The following FBXO4 variants were observed in gnomAD, a reference collection of about 807,000 sequenced individuals.
FBXO4 encodes F-box protein 4.
In FBXO4, 36 loss-of-function variants were observed where a neutral mutation model predicts 43.7. The observed-to-expected ratio is 0.82, with a 90% CI of 0.63 to 1.09. The LOEUF is 1.09. Among genes scored for constraint, FBXO4 ranks in the 50% least tolerant of loss-of-function variants. FBXO4 has a pLI of 0.00. For synonymous variants in FBXO4, 180 were observed against 165.6 expected, an observed-to-expected ratio of 1.09 and a Z score of -0.67; for missense variants, 435 against 474.1, an observed-to-expected ratio of 0.92 and a Z score of 0.77.
the FBXO4 span, among the ~76,000 whole-genome samples, chr5:41,999,505 GTGTA>G: frequency 0.017 from 1,061 of 63,162 alleles, 29 homozygotes; most frequent in African/African-American, 0.083. Context: ...ATATATATAT[GTGTA>G]TATATATATA....
the FBXO4 span, among the ~76,000 whole-genome samples, chr5:41,949,136 C>T: frequency 6.6e-6 from 1 of 152,116 alleles, no homozygotes. Flanking sequence ...TGGAAGCATT[C>T]CCTTTGAAAA....
At chr5:41,965,031 T>G in the FBXO4 span, among the ~76,000 whole-genome samples, 9 of 152,184 alleles carry the variant, frequency 5.9e-5, no homozygotes, top group African/African-American at 2.2e-4. Flanking sequence ...AACATTTAAG[T>G]TTTTTATCCA....
the FBXO4 span, among the ~76,000 whole-genome samples, chr5:42,032,135 A>AGGTG: frequency 6.6e-6 from 1 of 150,752 alleles, no homozygotes; most frequent in African/African-American, 2.4e-5. Flanking sequence ...GGAGTGACAC[A>AGGTG]ATCACCCCTG....
At chr5:42,029,481 C>T in the FBXO4 span, among the ~76,000 whole-genome samples, 1 of 151,906 alleles carries the variant, frequency 6.6e-6, no homozygotes, top group African/African-American at 2.4e-5. Flanking sequence ...ATGTTGCTAT[C>T]TTTCCCTAGG....
At chr5:42,015,097 G>C in the FBXO4 span, among the ~76,000 whole-genome samples, 1 of 152,140 alleles carries the variant, frequency 6.6e-6, no homozygotes, top group Non-Finnish European at 1.5e-5. Flanking sequence ...ATAAGCAGAG[G>C]GGGCATTATT....
the FBXO4 span, among the ~76,000 whole-genome samples, chr5:42,010,509 A>C: frequency 8.4e-6 from 1 of 118,546 alleles, no homozygotes; most frequent in Admixed American, 9.3e-5. Context: ...CTCCATCTCA[A>C]AAAAAAAAAA....
chr5:41,939,466 T>G lies in FBXO4; in HGVS notation c.924T>G (p.Ser308=), dbSNP rs1274485497. 1 of 1,611,340 alleles carries G rather than the reference T, an allele frequency of 6.2e-7. No homozygotes were observed. Among genetic ancestry groups the G allele is most frequent in the East Asian group, 2.2e-5 (1 of 44,844 alleles). The change falls in exon 6 of 7, where the codon TCT becomes TCG. Residue 308 remains serine, a synonymous_variant. Transcript: ENST00000281623. ...GACATGAATGGCAAGATGAATTTTC[T>G]CATATTATGGCAATGACAGATCCAG... ...HKRHEWQDEF[S]HIMAMTDPAF...
the FBXO4 span, among the ~76,000 whole-genome samples, chr5:41,957,231 A>G: frequency 2.0e-5 from 3 of 151,902 alleles, no homozygotes; most frequent in Non-Finnish European, 4.4e-5. Flanking sequence ...TGGGACTCCA[A>G]CTACACATAT....
the FBXO4 span, among the ~76,000 whole-genome samples, chr5:42,034,547 G>A: frequency 6.6e-6 from 1 of 152,116 alleles, no homozygotes; most frequent in South Asian, 2.1e-4. Flanking sequence ...TGTATAAGGT[G>A]TAAGGAAGGG....
At chr5:41,942,822 T>C (rs28647448), downstream of FBXO4, among the ~76,000 whole-genome samples, 12,128 of 152,206 alleles carry the variant, frequency 0.08, 693 homozygotes, top group African/African-American at 0.16. Flanking sequence ...TGATCCTTGA[T>C]GATTTTGACA....
chr5:41,983,189 G>A, the FBXO4 span, among the ~76,000 whole-genome samples: 1 of 152,136 alleles, frequency 6.6e-6, no homozygotes, highest in Non-Finnish European at 1.5e-5. Flanking sequence ...ACGTGTGCAT[G>A]TGTCTTTATA....
chr5:41,945,022 A>T (rs1421229283), downstream of FBXO4, among the ~76,000 whole-genome samples: 1 of 152,222 alleles, frequency 6.6e-6, no homozygotes, highest in Non-Finnish European at 1.5e-5. Flanking sequence ...AGAGCCTTAG[A>T]GCTATTAAAT....
chr5:41,934,410 T>C, intron 5 of FBXO4, 102 bp downstream of exon 5: 1 of 1,546,558 alleles, frequency 6.5e-7, no homozygotes, highest in Non-Finnish European at 8.7e-7. Context: ...TATGATGGCT[T>C]ATTTTATCAA....
At chr5:41,994,991 C>T in the FBXO4 span, among the ~76,000 whole-genome samples, 3 of 152,274 alleles carry the variant, frequency 2.0e-5, 1 homozygote, top group South Asian at 6.2e-4. Flanking sequence ...TCAGAGCATA[C>T]ATGGCCTCCT....
At chr5:41,949,188 A>C in the FBXO4 span, among the ~76,000 whole-genome samples, 4 of 152,206 alleles carry the variant, frequency 2.6e-5, no homozygotes, top group Non-Finnish European at 4.4e-5. Flanking sequence ...ACTCCTATTC[A>C]ACATAGTAAT....
the FBXO4 span, among the ~76,000 whole-genome samples, chr5:42,036,124 C>T: frequency 6.6e-6 from 1 of 152,010 alleles, no homozygotes; most frequent in Non-Finnish European, 1.5e-5. Context: ...ACTTTGAGAA[C>T]CACTGGGGTA....
chr5:41,992,721 C>T, the FBXO4 span, among the ~76,000 whole-genome samples: 1 of 152,202 alleles, frequency 6.6e-6, no homozygotes, highest in African/African-American at 2.4e-5. Context: ...TGGAATTTTT[C>T]TTTTTTTAAA....
At chr5:41,997,472 A>G in the FBXO4 span, among the ~76,000 whole-genome samples, 3 of 152,162 alleles carry the variant, frequency 2.0e-5, no homozygotes. Context: ...CTTTCCCACC[A>G]TAATAGCCCT....
In FBXO4 at chr5:41,929,692, TACAG is replaced by T. The variant is rs1751618010; in HGVS notation, c.426-4_426-1del. 1 of 1,567,704 alleles carries T rather than the reference TACAG, an allele frequency of 6.4e-7. No individual in the cohort carries two copies. Among genetic ancestry groups the T allele is most frequent in the African/African-American group, 1.4e-5 (1 of 72,998 alleles). On this transcript the variant is annotated splice_acceptor_variant and splice_polypyrimidine_tract_variant and intron_variant, in intron 2 of 6. Coordinates refer to ENST00000281623, the MANE Select transcript of FBXO4 (RefSeq NM_012176.3). LOFTEE classifies it high-confidence loss of function. ...TAATGTTCTAATTGTGACAATTTTT[TACAG>T]CTATAGAATGTGCTGTCCATACACA...
Sources: allele counts gnomAD v4.1 joint callset (sites outside exome capture counted in the v4.1 genomes callset), GRCh38; gene constraint gnomAD v4.1.1; transcripts MANE v1.5; gene names NCBI Gene and HGNC (gene_info 2026-07-23, HGNC 2026-07-21).